Variants in CCL28 observed in about 807,000 individuals in gnomAD.
The protein encoded by CCL28 is C-C motif chemokine 28.
In CCL28, 4 loss-of-function variants were observed where a neutral mutation model predicts 7.1. The ratio of observed to expected loss-of-function variants is 0.56; its 90% CI spans 0.28 to 1.29. The LOEUF (loss-of-function observed/expected upper bound fraction) is 1.29. Among genes scored for constraint, CCL28 ranks in the 50% most tolerant of loss-of-function variants. The pLI is 0.11. For synonymous variants in CCL28, 55 were observed against 57.8 expected, an observed-to-expected ratio of 0.95 and a Z score of 0.22; for missense variants, 151 against 163.4, an observed-to-expected ratio of 0.92 and a Z score of 0.41.
downstream of CCL28, among the ~76,000 whole-genome samples, chr5:43,378,063 C>G (rs1739958974): frequency 6.6e-6 from 1 of 152,098 alleles, no homozygotes; most frequent in African/African-American, 2.4e-5. Context: ...ATTAAGAAAG[C>G]TAGGTGCAGT....
intron 1 of CCL28, among the ~76,000 whole-genome samples, chr5:43,411,195 G>A (rs188691011): frequency 6.6e-4 from 100 of 152,298 alleles, no homozygotes; most frequent in Admixed American, 2.9e-3. Context: ...TAAAATGTTG[G>A]CTCAGATTTT....
chr5:43,359,738 C>T, the CCL28 span, among the ~76,000 whole-genome samples: 9 of 152,276 alleles, frequency 5.9e-5, no homozygotes, highest in African/African-American at 2.2e-4. Context: ...TCCTCAATTG[C>T]TCCTATACAT....
chr5:43,372,367 T>TTTTG (rs888099690), downstream of CCL28, among the ~76,000 whole-genome samples: 14 of 152,138 alleles, frequency 9.2e-5, no homozygotes, highest in Admixed American at 6.5e-5. Context: ...ATTCTTTTTG[T>TTTTG]TTTGTTTGTT....
At chr5:43,408,236 A>G (rs1167542694) in intron 1 of CCL28, among the ~76,000 whole-genome samples, 1 of 152,206 alleles carries the variant, frequency 6.6e-6, no homozygotes, top group Non-Finnish European at 1.5e-5. Flanking sequence ...CTTGGAACCA[A>G]CCCACATGTC....
the CCL28 span, among the ~76,000 whole-genome samples, chr5:43,357,721 C>T: frequency 1.7e-4 from 26 of 152,078 alleles, no homozygotes; most frequent in African/African-American, 6.0e-4. Context: ...TAGGCTACAA[C>T]ATTTTCTCAA....
At chr5:43,406,843 A>G (rs1171898394) in intron 1 of CCL28, among the ~76,000 whole-genome samples, 2 of 152,194 alleles carry the variant, frequency 1.3e-5, no homozygotes, top group Non-Finnish European at 2.9e-5. Flanking sequence ...CCTATACACC[A>G]ATAACAGACA....
intron 1 of CCL28, among the ~76,000 whole-genome samples, chr5:43,405,024 C>T (rs917389661): frequency 6.6e-6 from 1 of 152,122 alleles, no homozygotes; most frequent in Non-Finnish European, 1.5e-5. Flanking sequence ...TCTTAGAGAC[C>T]TACAAAGAGA....
At chr5:43,410,809 T>C (rs1304858994) in intron 1 of CCL28, among the ~76,000 whole-genome samples, 1 of 152,158 alleles carries the variant, frequency 6.6e-6, no homozygotes, top group Non-Finnish European at 1.5e-5. Context: ...CTTTCAGAAA[T>C]AGTGAAAATG....
At chr5:43,384,852 A>C (rs918706028) in intron 2 of CCL28, among the ~76,000 whole-genome samples, 1 of 152,180 alleles carries the variant, frequency 6.6e-6, no homozygotes, top group African/African-American at 2.4e-5. Flanking sequence ...ATTTTCTCAC[A>C]ACAAAAAATG....
At chr5:43,390,037 T>C (rs1475481646) in intron 1 of CCL28, among the ~76,000 whole-genome samples, 7 of 152,208 alleles carry the variant, frequency 4.6e-5, no homozygotes, top group Admixed American at 2.6e-4. Context: ...CAATTATGAC[T>C]CCAGAATTTC....
intron 1 of CCL28, among the ~76,000 whole-genome samples, chr5:43,392,208 C>T (rs372144220): frequency 6.6e-5 from 10 of 152,224 alleles, no homozygotes; most frequent in South Asian, 4.2e-4. Flanking sequence ...CCTCCGTCTC[C>T]GGGGTTCAAG....
chr5:43,382,288 TAAAAGAAAGAGAAGGAGAA>T (rs1740148812), intron 2 of CCL28, among the ~76,000 whole-genome samples: 1 of 151,434 alleles, frequency 6.6e-6, no homozygotes, highest in Non-Finnish European at 1.5e-5. Flanking sequence ...CAGAGAGTAT[TAAAAGAAAGAGAAGGAGAA>T]GAAGGAATTG....
At chr5:43,391,190 T>G (rs1740556887) in intron 1 of CCL28, among the ~76,000 whole-genome samples, 1 of 152,064 alleles carries the variant, frequency 6.6e-6, no homozygotes, top group Admixed American at 6.6e-5. Flanking sequence ...TTTATCAAGG[T>G]GGTGGCATTT....
chr5:43,405,948 A>G (rs1741257814), intron 1 of CCL28, among the ~76,000 whole-genome samples: 1 of 152,178 alleles, frequency 6.6e-6, no homozygotes, highest in Admixed American at 6.5e-5. Flanking sequence ...CTAAACCAGG[A>G]AGAAGCTGAA....
At chr5:43,401,094 AAAG>A (rs1253723074) in intron 1 of CCL28, among the ~76,000 whole-genome samples, 116 of 151,812 alleles carry the variant, frequency 7.6e-4, no homozygotes, top group African/African-American at 2.7e-3. Flanking sequence ...AAAAAAAAAA[AAAG>A]AAAAAGAAAA....
rs1025699388 is a variant in CCL28, at chr5:43,380,607, C to T, written c.*1253G>A. On this transcript the variant is annotated 3_prime_UTR_variant, in exon 3 of 3. Transcript: ENST00000361115. Reference sequence around the variant, plus strand: ...CTTGAGCCCAGGAGTTTGAGATCAACCTGGGCAACATAGTGAGACCCTGTC... The same window carrying T: ...CTTGAGCCCAGGAGTTTGAGATCAATCTGGGCAACATAGTGAGACCCTGTC... 1.3e-5 allele frequency: 2 copies of T among 151,878 alleles called. No homozygotes were observed. The highest frequency in any genetic ancestry group is 2.9e-5 in the Non-Finnish European group (2 of 68,030). The allele number at this position is 151,878 out of a possible 1,614,324, so 9.4% of individuals were successfully genotyped here. A position where few individuals can be genotyped will look rare whatever the true frequency, so the allele number is the denominator to read the frequency against.
Position 43,382,040 on chromosome 5 carries a change from C to A in CCL28, c.204G>T (p.Lys68Asn). Reference protein sequence around the residue: ...CDLAAVILHVKRRRICVSPHN... With the variant: ...CDLAAVILHVNRRRICVSPHN... ...GCGGGCTGACACAGATTCTTCTGCG[C>A]TTGACATGAAGGCTGTTAGAAAAGG... is the stretch of plus-strand genomic sequence containing the variant. Residue 68 changes from lysine to asparagine, a missense_variant, in exon 3 of 3, where the codon AAG becomes AAT. Coordinates refer to ENST00000361115, the MANE Select transcript of CCL28 (RefSeq NM_148672.3). 2 of 1,610,534 alleles carry A rather than the reference C, an allele frequency of 1.2e-6. No homozygotes were observed. Among genetic ancestry groups the A allele is most frequent in the South Asian group, 1.1e-5 (1 of 90,302 alleles).
chr5:43,406,527 C>G (rs1741288883), intron 1 of CCL28, among the ~76,000 whole-genome samples: 2 of 152,146 alleles, frequency 1.3e-5, no homozygotes, highest in Non-Finnish European at 2.9e-5. Context: ...TATGACAAAC[C>G]CACAGCCAAT....
At chr5:43,390,180 G>A (rs1465717966) in intron 1 of CCL28, among the ~76,000 whole-genome samples, 1 of 152,218 alleles carries the variant, frequency 6.6e-6, no homozygotes, top group Admixed American at 6.5e-5. Flanking sequence ...GAGGCAAGCT[G>A]ATAAGAGGTC....
Sources: allele counts gnomAD v4.1 joint callset (sites outside exome capture counted in the v4.1 genomes callset), GRCh38; gene constraint gnomAD v4.1.1; transcripts MANE v1.5; gene names NCBI Gene and HGNC (gene_info 2026-07-23, HGNC 2026-07-21).